Variants in CPEB3 observed in about 807,000 individuals in gnomAD.
CPEB3 encodes the protein cytoplasmic polyadenylation element binding protein 3.
A neutral mutation model predicts 67.2 loss-of-function variants in CPEB3; 20 were observed. The ratio of observed to expected loss-of-function variants is 0.30; its 90% CI spans 0.21 to 0.43. The LOEUF (loss-of-function observed/expected upper bound fraction) is 0.43. CPEB3 is among the 20% of genes least tolerant of loss of function. The pLI, the probability that CPEB3 is intolerant of heterozygous loss-of-function variation, is 1.00. For synonymous variants in CPEB3, 376 were observed against 393.1 expected, an observed-to-expected ratio of 0.96 and a Z score of 0.51; for missense variants, 746 against 968.6, an observed-to-expected ratio of 0.77 and a Z score of 3.05.
intron 1 of CPEB3, among the ~76,000 whole-genome samples, chr10:92,289,713 T>A (rs1371259592): frequency 5.0e-5 from 1 of 19,950 alleles, no homozygotes; most frequent in South Asian, 7.4e-4. Context: ...AGACCGCGTC[T>A]CTACCAAAAA....
chr10:92,225,255 G>C (rs1046339650), intron 2 of CPEB3, among the ~76,000 whole-genome samples: 1 of 152,038 alleles, frequency 6.6e-6, no homozygotes, highest in Non-Finnish European at 1.5e-5. Flanking sequence ...TTACAGGCGT[G>C]AGCCACCGCG....
At chr10:92,175,795 C>A (rs773113033) in intron 4 of CPEB3, among the ~76,000 whole-genome samples, 8 of 149,438 alleles carry the variant, frequency 5.4e-5, no homozygotes, top group Non-Finnish European at 1.2e-4. Flanking sequence ...CAGGAAAGCA[C>A]CTATCTAAAC....
intron 2 of CPEB3, among the ~76,000 whole-genome samples, chr10:92,213,383 G>A (rs1850188630): frequency 6.6e-6 from 1 of 152,152 alleles, no homozygotes; most frequent in South Asian, 2.1e-4. Context: ...GATTCATTAA[G>A]TTTAACAAAC....
At chr10:92,204,922 C>T (rs908510837) in intron 2 of CPEB3, among the ~76,000 whole-genome samples, 1 of 147,420 alleles carries the variant, frequency 6.8e-6, no homozygotes, top group Non-Finnish European at 1.5e-5. Context: ...CTCACTGCAA[C>T]CTGTGCCTCC....
At chr10:92,132,526 A>C (rs934617835) in intron 6 of CPEB3, among the ~76,000 whole-genome samples, 1 of 152,194 alleles carries the variant, frequency 6.6e-6, no homozygotes, top group Non-Finnish European at 1.5e-5. Context: ...GAAGACATTA[A>C]TAAATTTACC....
intron 8 of CPEB3, among the ~76,000 whole-genome samples, chr10:92,090,749 T>A (rs748504402): frequency 1.3e-5 from 2 of 152,172 alleles, no homozygotes; most frequent in Non-Finnish European, 2.9e-5. Flanking sequence ...TACAAAGGGC[T>A]GCATTTGCCC....
chr10:92,288,149 A>G (rs1235366862), intron 1 of CPEB3, among the ~76,000 whole-genome samples: 1 of 152,116 alleles, frequency 6.6e-6, no homozygotes, highest in Non-Finnish European at 1.5e-5. Context: ...TTGGGTTTCC[A>G]CTTTTTGGCT....
intron 6 of CPEB3, chr10:92,118,911 G>C: frequency 9.8e-7 from 1 of 1,015,994 alleles, no homozygotes; most frequent in Non-Finnish European, 1.6e-6. Context: ...TCTCTTTTTG[G>C]CATGTCAGCC....
At chr10:92,171,235 A>G (rs2134018857) in intron 4 of CPEB3, among the ~76,000 whole-genome samples, 1 of 152,290 alleles carries the variant, frequency 6.6e-6, no homozygotes, top group South Asian at 2.1e-4. Context: ...CCCTGCCCTG[A>G]TCCTTCAAAA....
chr10:92,109,025 G>A (rs759933583), intron 7 of CPEB3, among the ~76,000 whole-genome samples: 4 of 152,104 alleles, frequency 2.6e-5, no homozygotes, highest in South Asian at 2.1e-4. Flanking sequence ...TAAACTCTGC[G>A]TGTTCATCTC....
chr10:92,203,529 T>TA (rs201587476), intron 2 of CPEB3, among the ~76,000 whole-genome samples: 1,002 of 44,940 alleles, frequency 0.022, 13 homozygotes, highest in Admixed American at 0.061. Flanking sequence ...TATATATATA[T>TA]TTTTTTTTTA....
chr10:92,206,248 T>C lies in CPEB3; in HGVS notation c.1006-13612A>G, dbSNP rs777030435. Among the ~76,000 whole-genome samples, 27 of 152,006 alleles carry C rather than the reference T, an allele frequency of 1.8e-4. 1 individual carries two copies. The highest frequency in any genetic ancestry group is 2.9e-4 in the Non-Finnish European group (20 of 67,988). On this transcript the variant is annotated intron_variant, in intron 2 of 9. Coordinates refer to ENST00000265997, the MANE Select transcript of CPEB3 (RefSeq NM_014912.5). The stretch of plus-strand genomic sequence containing the variant: ...CACCACGCCCGGCTAATTTTTTGTA[T>C]TTTTAGCAGAAACGGGATTTCGGCA...
In CPEB3 at chr10:92,048,387, T is replaced by TCTCTCTCACACACA. The variant is rs546300433; in HGVS notation, c.*3824_*3825insTGTGTGTGAGAGAG. On this transcript the variant is annotated 3_prime_UTR_variant, in exon 10 of 10. Coordinates refer to ENST00000265997, the MANE Select transcript of CPEB3 (RefSeq NM_014912.5). This position sits in a 1 kb window ranked among gnomAD's most constrained non-coding sequence, Gnocchi z 4.1. ...TTCTCTCTCTCTCTCTCTCTCTCTCTCACACACACACACACACACACGACA... is the reference window on the plus strand; with the variant it reads ...TTCTCTCTCTCTCTCTCTCTCTCTCTCTCTCTCACACACACACACACACACACACACACACGACA... The TCTCTCTCACACACA allele has an allele frequency of 7.1e-6, 1 of 141,382 alleles. No homozygotes were observed. Among genetic ancestry groups the TCTCTCTCACACACA allele is most frequent in the African/African-American group, 2.7e-5 (1 of 36,886 alleles). The allele number at this position is 141,382 out of a possible 1,614,324, so 8.8% of individuals were successfully genotyped here.
intron 2 of CPEB3, among the ~76,000 whole-genome samples, chr10:92,231,402 T>C (rs1469092602): frequency 6.6e-6 from 1 of 152,200 alleles, no homozygotes; most frequent in Non-Finnish European, 1.5e-5. Context: ...ACAGTATTCC[T>C]CTAACAGTAT....
intron 2 of CPEB3, among the ~76,000 whole-genome samples, chr10:92,219,343 C>G (rs570810496): frequency 1.9e-4 from 29 of 152,292 alleles, no homozygotes; most frequent in African/African-American, 7.0e-4. Flanking sequence ...GAAATCTTCA[C>G]TGTCTTTCAG....
intron 1 of CPEB3, among the ~76,000 whole-genome samples, chr10:92,263,188 G>A (rs748077719): frequency 1.4e-4 from 21 of 152,164 alleles, no homozygotes; most frequent in Non-Finnish European, 2.8e-4. Context: ...CAATTCTCAC[G>A]CCTCAGCCCC....
At chr10:92,090,766 CATA>C (rs1843581741) in intron 8 of CPEB3, among the ~76,000 whole-genome samples, 1 of 152,180 alleles carries the variant, frequency 6.6e-6, no homozygotes, top group African/African-American at 2.4e-5. Context: ...GCCCCCATCT[CATA>C]ATGCTTTTCA....
chr10:92,197,960 A>G (rs1849319672), intron 2 of CPEB3, among the ~76,000 whole-genome samples: 1 of 152,126 alleles, frequency 6.6e-6, no homozygotes, highest in Non-Finnish European at 1.5e-5. Flanking sequence ...TACAAAAATT[A>G]GCCGGTGTGG....
chr10:92,102,771 AAACATCTGCGT>A lies in CPEB3; in HGVS notation c.1572+8294_1572+8304del, dbSNP rs1191126487. The stretch of plus-strand genomic sequence containing the variant: ...CTAAAGGCTTTTCTGACTGCCTCAG[AAACATCTGCGT>A]ACTCTGCCCTTTGAGCGCTCTCCCC... On this transcript the variant is annotated intron_variant, in intron 7 of 9. Transcript: ENST00000265997. 3.3e-5 allele frequency among the ~76,000 whole-genome samples: 5 copies of A among 152,320 alleles called. No individual in the cohort carries two copies. In the East Asian group the frequency reaches 9.6e-4, roughly 29 times the overall value.
Sources: gnomAD v4.1 joint callset for allele counts (sites outside exome capture counted in the v4.1 genomes callset) on GRCh38, gnomAD v4.1.1 for gene constraint, Gnocchi (gnomAD v3.1) non-coding constraint, MANE v1.5 for transcripts, NCBI Gene and HGNC (gene_info 2026-07-23, HGNC 2026-07-21) for gene names.